The following CHST9 variants were observed in gnomAD, a reference collection of about 807,000 sequenced individuals.
The protein encoded by CHST9 is carbohydrate sulfotransferase 9.
In CHST9, 41 loss-of-function variants were observed where a neutral mutation model predicts 44.4. The ratio of observed to expected loss-of-function variants is 0.92; its 90% CI spans 0.72 to 1.20. The LOEUF (loss-of-function observed/expected upper bound fraction) is 1.20, where lower values mean the gene tolerates loss of function less well. Among genes scored for constraint, CHST9 ranks in the 50% most tolerant of loss-of-function variants. The probability of loss-of-function intolerance (pLI) is 0.00; values close to 1 mark genes in which losing one functional copy is unlikely to be tolerated. For missense variants in CHST9, 504 were observed against 516.5 expected (o/e 0.98, Z 0.23); for synonymous variants, 171 against 178.4 (o/e 0.96, Z 0.33).
At chr18:27,053,249 GAA>G in intron 2 of CHST9, among the ~76,000 whole-genome samples, 4 of 106,594 alleles carry the variant, frequency 3.8e-5, no homozygotes, top group African/African-American at 1.0e-4. Flanking sequence ...AGAAGAAGAA[GAA>G]GAAGAAGAAG....
At chr18:27,166,844 C>T (rs9965961) in intron 1 of CHST9, among the ~76,000 whole-genome samples, 64,189 of 151,904 alleles carry the variant, frequency 0.42, 13,976 homozygotes, top group East Asian at 0.63. Flanking sequence ...ATAAGTTTTA[C>T]GTGGCACAGG....
At chr18:27,157,049 T>C (rs2058702998) in intron 1 of CHST9, among the ~76,000 whole-genome samples, 1 of 152,110 alleles carries the variant, frequency 6.6e-6, no homozygotes. Context: ...TGTCACATTA[T>C]TTCTGAATTC....
intron 1 of CHST9, among the ~76,000 whole-genome samples, chr18:27,150,113 TTCTTTC>T (rs1250143369): frequency 2.0e-5 from 3 of 152,208 alleles, no homozygotes; most frequent in Middle Eastern, 3.4e-3. Flanking sequence ...TTTTTTTTTT[TTCTTTC>T]TCTTTATCTT....
At chr18:27,158,587 C>T (rs1475717369) in intron 1 of CHST9, among the ~76,000 whole-genome samples, 2 of 151,928 alleles carry the variant, frequency 1.3e-5, no homozygotes, top group Admixed American at 6.6e-5. Flanking sequence ...GTCTTTATAG[C>T]AGCATGATTT....
intron 2 of CHST9, among the ~76,000 whole-genome samples, chr18:27,098,825 C>T (rs2058142930): frequency 8.0e-6 from 1 of 125,138 alleles, no homozygotes; most frequent in African/African-American, 3.2e-5. Context: ...TTTCACAGAA[C>T]TGGAAAAAAA....
chr18:27,166,502 C>T (rs1374303421), intron 1 of CHST9, among the ~76,000 whole-genome samples: 1 of 152,190 alleles, frequency 6.6e-6, no homozygotes, highest in Non-Finnish European at 1.5e-5. Flanking sequence ...TTCTTTAGAA[C>T]TCATCTTTGA....
At chr18:26,954,438 C>T (rs2056294107) in intron 4 of CHST9, among the ~76,000 whole-genome samples, 2 of 152,094 alleles carry the variant, frequency 1.3e-5, no homozygotes, top group Non-Finnish European at 2.9e-5. Context: ...TCCCAGTTGC[C>T]ACTCTGGCTC....
intron 1 of CHST9, among the ~76,000 whole-genome samples, chr18:27,172,736 T>C (rs1176693745): frequency 6.6e-6 from 1 of 151,966 alleles, no homozygotes; most frequent in Non-Finnish European, 1.5e-5. Flanking sequence ...AACTCGAAAC[T>C]CTCCCTCTTT....
intron 5 of CHST9, among the ~76,000 whole-genome samples, chr18:26,923,703 G>T (rs905590369): frequency 2.6e-5 from 4 of 152,180 alleles, no homozygotes; most frequent in Non-Finnish European, 5.9e-5. Flanking sequence ...TAAAATTTGT[G>T]GCCCTTCAAG....
At chr18:27,087,108 A>G (rs1052555438) in intron 2 of CHST9, among the ~76,000 whole-genome samples, 3 of 152,188 alleles carry the variant, frequency 2.0e-5, no homozygotes, top group East Asian at 1.9e-4. Flanking sequence ...TTTCTACTGT[A>G]TGAATCTAAT....
intron 4 of CHST9, among the ~76,000 whole-genome samples, chr18:26,980,024 G>A (rs1191624716): frequency 2.0e-5 from 3 of 151,942 alleles, no homozygotes; most frequent in Non-Finnish European, 2.9e-5. Flanking sequence ...AAAGAACTTG[G>A]ATCTACTTTC....
chr18:27,135,090 A>T (rs1197662457), intron 2 of CHST9, among the ~76,000 whole-genome samples: 1 of 152,196 alleles, frequency 6.6e-6, no homozygotes, highest in African/African-American at 2.4e-5. Flanking sequence ...GCATATGTTA[A>T]GTGGCTTGAT....
At chr18:26,945,614 T>C (rs4800273) in intron 4 of CHST9, among the ~76,000 whole-genome samples, 27,698 of 152,206 alleles carry the variant, frequency 0.18, 2,620 homozygotes, top group East Asian at 0.24. Flanking sequence ...TCTTTTTATT[T>C]TTGATATATT....
chr18:27,003,026 T>C (rs1222492175), intron 4 of CHST9, among the ~76,000 whole-genome samples: 2 of 152,170 alleles, frequency 1.3e-5, no homozygotes, highest in Admixed American at 1.3e-4. Flanking sequence ...TAATTTGACC[T>C]AGCGCTACAT....
At chr18:27,120,290 T>G (rs1170626592) in intron 2 of CHST9, among the ~76,000 whole-genome samples, 1 of 152,212 alleles carries the variant, frequency 6.6e-6, no homozygotes, top group East Asian at 1.9e-4. Context: ...ACTTATCCTC[T>G]TCTCAGAATA....
chr18:27,035,489 T>C (rs2057381474), intron 3 of CHST9, among the ~76,000 whole-genome samples: 1 of 152,146 alleles, frequency 6.6e-6, no homozygotes, highest in Non-Finnish European at 1.5e-5. Context: ...GACGTGTGTT[T>C]GTGTGTGTAT....
intron 1 of CHST9, among the ~76,000 whole-genome samples, chr18:27,151,555 G>A (rs966862693): frequency 2.0e-5 from 3 of 152,190 alleles, no homozygotes; most frequent in Admixed American, 6.5e-5. Context: ...TTGCTAATAG[G>A]CCAACTTAAT....
intron 2 of CHST9, among the ~76,000 whole-genome samples, chr18:27,084,941 A>T (rs893443828): frequency 1.1e-4 from 17 of 148,612 alleles, no homozygotes; most frequent in Non-Finnish European, 8.9e-5. Context: ...TTTAATTTCC[A>T]TGAAATTATA....
At chr18:27,002,347 T>C (rs1323024959) in intron 4 of CHST9, among the ~76,000 whole-genome samples, 2 of 152,158 alleles carry the variant, frequency 1.3e-5, no homozygotes, top group Non-Finnish European at 2.9e-5. Flanking sequence ...TGGATCATCT[T>C]GATATTCCTA....
Sources: gnomAD v4.1 joint callset for allele counts (sites outside exome capture counted in the v4.1 genomes callset) on GRCh38, gnomAD v4.1.1 for gene constraint, MANE v1.5 for transcripts, NCBI Gene and HGNC (gene_info 2026-07-23, HGNC 2026-07-21) for gene names.